Variants in MLC1 observed in about 807,000 individuals in gnomAD.
MLC1 encodes modulator of VRAC current 1.
A neutral mutation model predicts 44.7 loss-of-function variants in MLC1; 32 were observed. That is an observed-to-expected ratio of 0.72 (90% confidence interval 0.54 to 0.96). The LOEUF is 0.96. MLC1 is among the 40% of genes least tolerant of loss of function. The pLI, the probability that MLC1 is intolerant of heterozygous loss-of-function variation, is 0.00. For missense variants in MLC1, 459 were observed against 492.2 expected (o/e 0.93, Z 0.64); for synonymous variants, 190 against 213.0 (o/e 0.89, Z 0.94).
chr22:50,081,157 T>C (rs917726119), intron 3 of MLC1, among the ~76,000 whole-genome samples: 1 of 151,580 alleles, frequency 6.6e-6, no homozygotes, highest in South Asian at 2.1e-4. Flanking sequence ...CTGGCCAACA[T>C]AGTGAAACCC....
At chr22:50,084,318 T>TAGG (rs1213296869) in intron 2 of MLC1, among the ~76,000 whole-genome samples, 1 of 151,992 alleles carries the variant, frequency 6.6e-6, no homozygotes. Context: ...AGGCCCTCCC[T>TAGG]AGGAGGAGGA....
Position 50,083,036 on chromosome 22 carries a change from G to C in MLC1, c.267+48C>G. 1.3e-6 allele frequency: 2 copies of C among 1,556,558 alleles called. No individual in the cohort carries two copies. The highest frequency in any genetic ancestry group is 2.2e-5 in the South Asian group (2 of 89,932). ...TCTCAGAACAAAGAAACCAGAGCAC[G>C]TGCCGGCGAGCTTGGGCACTGGCAG... On this transcript the variant is annotated intron_variant, in intron 3 of 11. Transcript: ENST00000311597. This position sits in a 1 kb window ranked among gnomAD's most constrained non-coding sequence, Gnocchi z 4.6.
chr22:50,068,295 C>T, intron 10 of MLC1, 138 bp downstream of exon 10: 1 of 1,313,146 alleles, frequency 7.6e-7, no homozygotes, highest in Non-Finnish European at 1.1e-6. Context: ...CACCGCTGCC[C>T]AGGAACAGCG....
intron 8 of MLC1, 64 bp from the exon 9 acceptor site, chr22:50,070,647 G>A (rs2146830983): frequency 6.7e-7 from 1 of 1,499,964 alleles, no homozygotes; most frequent in South Asian, 1.2e-5. Flanking sequence ...TTCCAAACAT[G>A]TGCCCTCCCA....
chr22:50,064,230 C>A, intron 10 of MLC1, 32 bp from the exon 11 acceptor site: 1 of 1,564,820 alleles, frequency 6.4e-7, no homozygotes, highest in Non-Finnish European at 8.6e-7. Flanking sequence ...AGCAGAGTGG[C>A]CCAGCCGCCC....
At chr22:50,063,876 C>CACAGGCTTCTCACCTCCCTGGCTGGG (rs1424503773) in intron 11 of MLC1, among the ~76,000 whole-genome samples, 158 bp downstream of exon 11, 17 of 71,806 alleles carry the variant, frequency 2.4e-4, no homozygotes, top group Admixed American at 3.3e-4. Context: ...CCCAGCACCC[C>CACAGGCTTCTCACCTCCCTGGCTGGG]CTCCCCCTGC....
Position 50,083,116 on chromosome 22 carries a change from C to T in MLC1, c.235G>A (p.Glu79Lys), listed in dbSNP as rs1378938503. The T allele has an allele frequency of 1.2e-6, 2 of 1,614,156 alleles. No homozygotes were observed. The highest frequency in any genetic ancestry group is 1.7e-6 in the Non-Finnish European group (2 of 1,180,026). ...GCAGCACAGCGCAAGTAATCCATCT[C>T]AGCCGGGAACACGTTCCCCAGGTAC... ...SLYLGNVFPA[E>K]MDYLRCAAGS... The change falls in exon 3 of 12, where the codon GAG becomes AAG. Residue 79 changes from glutamate (E) to lysine (K), a missense_variant. Glu to Lys is a moderately conservative substitution (Grantham distance 56). Coordinates refer to ENST00000311597, the MANE Select transcript of MLC1 (RefSeq NM_015166.4). This position sits in a 1 kb window ranked among gnomAD's most constrained non-coding sequence, Gnocchi z 4.6.
intron 4 of MLC1, 61 bp from the exon 5 acceptor site, chr22:50,080,080 A>G: frequency 5.2e-6 from 7 of 1,350,898 alleles, no homozygotes; most frequent in Non-Finnish European, 7.4e-6. Flanking sequence ...AAGGTAACAG[A>G]TAAACCACAC....
intron 7 of MLC1, among the ~76,000 whole-genome samples, chr22:50,075,383 G>A (rs1207812150): frequency 2.0e-5 from 3 of 152,170 alleles, no homozygotes; most frequent in Admixed American, 6.6e-5. Flanking sequence ...CAGGCCTTGC[G>A]TCCAGAAGGC....
intron 11 of MLC1, among the ~76,000 whole-genome samples, chr22:50,061,936 G>A (rs548689513): frequency 6.6e-6 from 1 of 152,358 alleles, no homozygotes; most frequent in East Asian, 1.9e-4. Flanking sequence ...CTGGCTCTGG[G>A]GCGGGGAGCG....
In MLC1 at chr22:50,061,151, C is replaced by T. The variant is rs544226905; in HGVS notation, c.*432G>A. On this transcript the variant is annotated 3_prime_UTR_variant, in exon 12 of 12. Transcript: ENST00000311597. ...CTGAGTACCCGGGACAGACCCTAAG[C>T]GTGGAGGGAGGAAGCCCGGTCAGAG... 4 of 287,602 alleles carry T rather than the reference C, an allele frequency of 1.4e-5. No individual in the cohort carries two copies. The highest frequency in any genetic ancestry group is 1.3e-4 in the Admixed American group (3 of 22,518). The allele number at this position is 287,602 out of a possible 1,614,324, so 17.8% of individuals were successfully genotyped here. A position where few individuals can be genotyped will look rare whatever the true frequency, so the allele number is the denominator to read the frequency against.
intron 11 of MLC1, 135 bp from the exon 12 acceptor site, chr22:50,061,792 C>A: frequency 1.3e-6 from 1 of 796,172 alleles, no homozygotes. Flanking sequence ...AGTGGGGAAA[C>A]TAACCCCTGG....
intron 9 of MLC1, 85 bp downstream of exon 9, chr22:50,070,442 G>T: frequency 7.7e-7 from 1 of 1,305,872 alleles, no homozygotes. Flanking sequence ...CTGGAGCCTG[G>T]TCACATGGCA....
At chr22:50,080,184 G>A (rs1324499193) in intron 4 of MLC1, among the ~76,000 whole-genome samples, 160 bp downstream of exon 4, 4 of 152,272 alleles carry the variant, frequency 2.6e-5, no homozygotes, top group African/African-American at 9.6e-5. Context: ...GGCAAAGGCT[G>A]GGCTGGGCAG....
At chr22:50,063,011 C>T (rs2061604337) in intron 11 of MLC1, among the ~76,000 whole-genome samples, 1 of 152,132 alleles carries the variant, frequency 6.6e-6, no homozygotes, top group African/African-American at 2.4e-5. Flanking sequence ...CATTGCCTTC[C>T]CTGCAGAACC....
intron 10 of MLC1, among the ~76,000 whole-genome samples, chr22:50,066,172 T>A (rs1336905382): frequency 6.6e-6 from 1 of 150,686 alleles, no homozygotes; most frequent in Admixed American, 6.6e-5. Context: ...ACCCTGTCTC[T>A]GAAAAATAAA....
At chr22:50,077,274 G>C in intron 6 of MLC1, 127 bp downstream of exon 6, 1 of 858,250 alleles carries the variant, frequency 1.2e-6, no homozygotes, top group South Asian at 1.5e-5. Context: ...CAGGAGAGAG[G>C]GGTCTCATGG....
rs9617139 is a variant in MLC1 at position 50,059,781 on chromosome 22, G to C, written c.*1802C>G. The C allele has an allele frequency of 6.6e-6, 1 of 152,462 alleles. No individual in the cohort carries two copies. The highest frequency in any genetic ancestry group is 2.4e-5 in the African/African-American group (1 of 41,586). The allele number at this position is 152,462 out of a possible 1,614,324, so 9.4% of individuals were successfully genotyped here. On this transcript the variant is annotated 3_prime_UTR_variant, in exon 12 of 12. Coordinates refer to ENST00000311597, the MANE Select transcript of MLC1 (RefSeq NM_015166.4). ...GGGGCTGTGGCCAAAGTGTTTGCCCGGCCCCTGACTGTGTCCTTCCGGAGC... is the reference window on the plus strand; with the variant it reads ...GGGGCTGTGGCCAAAGTGTTTGCCCCGCCCCTGACTGTGTCCTTCCGGAGC...
chr22:50,077,908 C>T (rs968230752), intron 5 of MLC1, among the ~76,000 whole-genome samples: 1 of 151,920 alleles, frequency 6.6e-6, no homozygotes, highest in Non-Finnish European at 1.5e-5. Flanking sequence ...AGGCCCTGAC[C>T]GTATTGGCAG....
Sources: gnomAD v4.1 joint callset for allele counts (sites outside exome capture counted in the v4.1 genomes callset) on GRCh38, gnomAD v4.1.1 for gene constraint, Gnocchi (gnomAD v3.1) non-coding constraint, MANE v1.5 for transcripts, NCBI Gene and HGNC (gene_info 2026-07-23, HGNC 2026-07-21) for gene names.